Variants in ATP13A3 observed in about 807,000 individuals in gnomAD.
The protein encoded by ATP13A3 is ATPase 13A3.
A neutral mutation model predicts 158.1 loss-of-function variants in ATP13A3; 59 were observed. The ratio of observed to expected loss-of-function variants is 0.37; its 90% CI spans 0.30 to 0.46. The LOEUF is 0.46. Ranked by LOEUF, ATP13A3 falls within the 20% of genes least tolerant of loss-of-function variation. The pLI is 1.00. For synonymous variants in ATP13A3, 491 were observed against 504.3 expected (o/e 0.97, Z 0.35); for missense variants, 1,166 against 1,525.2 (o/e 0.76, Z 3.92).
chr3:194,482,759 G>A (rs983861317), intron 2 of ATP13A3, among the ~76,000 whole-genome samples: 1 of 151,820 alleles, frequency 6.6e-6, no homozygotes, highest in Non-Finnish European at 1.5e-5. Context: ...GATCACTTGA[G>A]GCCAGGAGTT....
chr3:194,427,922 TA>T (rs1472697837), intron 28 of ATP13A3, among the ~76,000 whole-genome samples: 115 of 152,122 alleles, frequency 7.6e-4, no homozygotes, highest in Non-Finnish European at 1.5e-5. Context: ...TTTTCCACTA[TA>T]AAGTTCCTAT....
chr3:194,462,630 C>T (rs1719743476), intron 2 of ATP13A3, among the ~76,000 whole-genome samples: 1 of 152,186 alleles, frequency 6.6e-6, no homozygotes, highest in African/African-American at 2.4e-5. Context: ...GGTTGGGGAC[C>T]ACTGTTTTAT....
At chr3:194,488,106 C>T (rs1039349054), upstream of ATP13A3, 2 of 152,350 alleles carry the variant, frequency 1.3e-5, no homozygotes, top group African/African-American at 4.8e-5. This position sits in a 1 kb window ranked among gnomAD's most constrained non-coding sequence, Gnocchi z 4.1. Context: ...CATTTCTGCC[C>T]GCCTCTTGGC....
chr3:194,458,489 G>C (rs1488750100), intron 6 of ATP13A3, among the ~76,000 whole-genome samples: 2 of 152,052 alleles, frequency 1.3e-5, no homozygotes, highest in Admixed American at 1.3e-4. Flanking sequence ...CCCTGGGTTT[G>C]AGCGATTCTC....
intron 7 of ATP13A3, 112 bp downstream of exon 7, chr3:194,456,982 G>A: frequency 1.6e-6 from 1 of 625,178 alleles, no homozygotes; most frequent in Middle Eastern, 2.8e-4. Flanking sequence ...TACTATGTCT[G>A]TAATATTTAA....
At position 194,460,901 on chromosome 3, in the gene ATP13A3, A is replaced by G; in HGVS notation, c.52-70T>C. On this transcript the variant is annotated intron_variant, in intron 3 of 33. Coordinates refer to ENST00000645319, the MANE Select transcript of ATP13A3 (RefSeq NM_001367549.1). Reference sequence around the variant, plus strand: ...ATGATATGGCAGAGAAACACATTCCAAAGTTCTTTGTTTTCCAGATAGGTA... The same window carrying G: ...ATGATATGGCAGAGAAACACATTCCGAAGTTCTTTGTTTTCCAGATAGGTA... 2.7e-6 allele frequency: 4 copies of G among 1,481,372 alleles called. 1 individual carries two copies. Among genetic ancestry groups the G allele is most frequent in the Non-Finnish European group, 9.2e-7 (1 of 1,091,292 alleles). 91.8% of individuals were successfully genotyped at this position (1,481,372 alleles called of 1,614,324 possible).
chr3:194,434,931 A>C (rs557185203), intron 20 of ATP13A3, among the ~76,000 whole-genome samples: 2 of 152,272 alleles, frequency 1.3e-5, no homozygotes, highest in South Asian at 4.1e-4. Flanking sequence ...AAAAGAAACA[A>C]ACAAAAAAAG....
chr3:194,417,127 A>T (rs1715907465), intron 31 of ATP13A3, among the ~76,000 whole-genome samples: 1 of 152,110 alleles, frequency 6.6e-6, no homozygotes, highest in Admixed American at 6.5e-5. Flanking sequence ...TTTTCCTGGT[A>T]TTTGACAAAC....
At position 194,469,201 on chromosome 3, in the gene ATP13A3, TA is replaced by T. The variant is rs1720178352; in HGVS notation, c.-46-6966del. On this transcript the variant is annotated intron_variant, in intron 2 of 33. Transcript: ENST00000645319. Reference sequence around the variant, plus strand: ...AGCTGGGTGCAGTGGCTCACGCCTATAATCCCAGCACTTTGAGAGGCCAAGG... The same window carrying T: ...AGCTGGGTGCAGTGGCTCACGCCTATATCCCAGCACTTTGAGAGGCCAAGG... Among the ~76,000 whole-genome samples the T allele has an allele frequency of 6.6e-5, 10 of 150,738 alleles. No homozygotes were observed. In the South Asian group the frequency reaches 2.1e-3, roughly 32 times the overall value.
intron 9 of ATP13A3, among the ~76,000 whole-genome samples, chr3:194,454,021 C>A (rs888109478): frequency 2.0e-5 from 3 of 152,138 alleles, no homozygotes; most frequent in Non-Finnish European, 2.9e-5. Flanking sequence ...AACTACAGAT[C>A]CCTATGGTCT....
chr3:194,425,594 T>C, intron 29 of ATP13A3, 65 bp from the exon 30 acceptor site: 2 of 1,343,238 alleles, frequency 1.5e-6, no homozygotes, highest in Non-Finnish European at 2.0e-6. Context: ...AAGAAACCAA[T>C]CTTACCTTAA....
chr3:194,408,729 T>G (rs1715134587), intron 33 of ATP13A3, among the ~76,000 whole-genome samples: 2 of 152,156 alleles, frequency 1.3e-5, no homozygotes, highest in Admixed American at 1.3e-4. Context: ...CCTGTACCCC[T>G]ACCTCCCCCA....
Position 194,446,647 on chromosome 3 carries a change from A to G in ATP13A3, c.1497+280T>C, listed in dbSNP as rs184142808. 2.1e-4 allele frequency among the ~76,000 whole-genome samples: 32 copies of G among 152,354 alleles called. 1 individual carries two copies. The South Asian group carries it at 3.5e-3, about 17-fold the overall frequency. On this transcript the variant is annotated intron_variant, in intron 14 of 33. Coordinates refer to ENST00000645319, the MANE Select transcript of ATP13A3 (RefSeq NM_001367549.1). The stretch of plus-strand genomic sequence containing the variant: ...TTTGGTGATTTTTTGTGACCAAAAT[A>G]TGGCATAGGAACTTAAATCTCATTT...
intron 2 of ATP13A3, among the ~76,000 whole-genome samples, chr3:194,471,077 C>T (rs1005700771): frequency 2.6e-5 from 4 of 152,192 alleles, no homozygotes; most frequent in African/African-American, 9.6e-5. Flanking sequence ...TATGCCTAAA[C>T]TTCTAATTCT....
At chr3:194,447,471 C>T (rs1360813469) in intron 13 of ATP13A3, among the ~76,000 whole-genome samples, 1 of 152,066 alleles carries the variant, frequency 6.6e-6, no homozygotes, top group Non-Finnish European at 1.5e-5. Flanking sequence ...TGACAAGCGG[C>T]GCCTTCAATT....
intron 16 of ATP13A3, among the ~76,000 whole-genome samples, chr3:194,440,202 C>G (rs1320667905): frequency 6.6e-6 from 1 of 152,084 alleles, no homozygotes; most frequent in Admixed American, 6.5e-5. Flanking sequence ...CAAACGGGAA[C>G]GAAACAGTAG....
chr3:194,478,759 T>A (rs991543442), intron 2 of ATP13A3, among the ~76,000 whole-genome samples: 6 of 152,200 alleles, frequency 3.9e-5, no homozygotes, highest in Non-Finnish European at 2.9e-5. Context: ...TCCTGAAGAA[T>A]ACAACGTGAA....
intron 31 of ATP13A3, among the ~76,000 whole-genome samples, chr3:194,417,088 C>T (rs1291491546): frequency 6.6e-6 from 1 of 152,134 alleles, no homozygotes; most frequent in East Asian, 1.9e-4. Flanking sequence ...TTGATCAACT[C>T]TGTGTAATTC....
upstream of ATP13A3, among the ~76,000 whole-genome samples, chr3:194,491,502 C>T (rs1405465813): frequency 2.0e-5 from 3 of 148,874 alleles, no homozygotes; most frequent in African/African-American, 5.0e-5. Context: ...CTCGCACGCC[C>T]CCTCCATCTC....
Sources: allele counts gnomAD v4.1 joint callset (sites outside exome capture counted in the v4.1 genomes callset), GRCh38; gene constraint gnomAD v4.1.1; non-coding constraint Gnocchi (gnomAD v3.1); transcripts MANE v1.5; gene names NCBI Gene and HGNC (gene_info 2026-07-23, HGNC 2026-07-21).